The following SCFD1 variants were observed in gnomAD, a reference collection of about 807,000 sequenced individuals.
SCFD1 encodes sec1 family domain containing 1, also known as sec1 family domain-containing protein 1.
Under a neutral mutation model 103.2 loss-of-function variants are expected in SCFD1, and 37 were observed. The observed-to-expected ratio is 0.36, with a 90% confidence interval of 0.28 to 0.47. The LOEUF (loss-of-function observed/expected upper bound fraction) is 0.47. Ranked by LOEUF, SCFD1 falls within the 20% of genes least tolerant of loss-of-function variation. The pLI, the probability that SCFD1 is intolerant of heterozygous loss-of-function variation, is 1.00. For missense variants in SCFD1, 639 were observed against 761.2 expected, an observed-to-expected ratio of 0.84 and a Z score of 1.89; for synonymous variants, 264 against 245.0, an observed-to-expected ratio of 1.08 and a Z score of -0.73.
chr14:30,668,567 A>G (rs974790392), intron 10 of SCFD1, among the ~76,000 whole-genome samples: 1 of 152,188 alleles, frequency 6.6e-6, no homozygotes, highest in Non-Finnish European at 1.5e-5. Context: ...ATTAAACTAA[A>G]GAGCTTCTGC....
intron 1 of SCFD1, among the ~76,000 whole-genome samples, chr14:30,627,339 A>C (rs191858608): frequency 1.3e-5 from 2 of 152,360 alleles, no homozygotes; most frequent in Admixed American, 6.5e-5. Context: ...TTTTCGGTGA[A>C]TCTGACAGGA....
intron 7 of SCFD1, 50 bp from the exon 8 acceptor site, chr14:30,649,478 C>CTATTT: frequency 8.5e-7 from 1 of 1,177,858 alleles, no homozygotes; most frequent in Non-Finnish European, 1.2e-6. Flanking sequence ...TTATAAGTAT[C>CTATTT]TATTTTAATT....
chr14:30,709,130 T>C (rs73254553), intron 19 of SCFD1, among the ~76,000 whole-genome samples: 2,520 of 152,266 alleles, frequency 0.017, 90 homozygotes, highest in African/African-American at 0.057. Flanking sequence ...AGAAGGGTTT[T>C]AAAGGCCAAA....
chr14:30,729,956 C>A (rs1045936409), intron 23 of SCFD1, among the ~76,000 whole-genome samples: 2 of 151,964 alleles, frequency 1.3e-5, no homozygotes, highest in African/African-American at 2.4e-5. Flanking sequence ...TGTGCTGCGC[C>A]CATTAACTCA....
intron 20 of SCFD1, among the ~76,000 whole-genome samples, chr14:30,716,248 A>G (rs866678821): frequency 1.2e-4 from 19 of 152,362 alleles, no homozygotes; most frequent in African/African-American, 4.3e-4. Context: ...TGTAAAATAT[A>G]TCCTAAGGAA....
chr14:30,638,201 T>C lies in SCFD1; in HGVS notation c.389T>C (p.Ile130Thr), dbSNP rs757273189. 1.2e-6 allele frequency: 2 copies of C among 1,612,980 alleles called. No homozygotes were observed. The highest frequency in any genetic ancestry group is 1.1e-5 in the South Asian group (1 of 90,964). ...ATTTCAAGAAGTAAACTGGAAGATA[T>C]TGCAAATGCAGCGTTAGCAGCTAGT... ...SAISRSKLED[I>T]ANAALAASAV... Residue 130 changes from isoleucine to threonine, a missense_variant, in exon 5 of 25, where the codon ATT becomes ACT. Ile to Thr is a moderately conservative substitution (Grantham distance 89). Transcript: ENST00000458591.
intron 8 of SCFD1, 91 bp downstream of exon 8, chr14:30,649,674 A>C (rs944744745): frequency 2.2e-6 from 2 of 925,106 alleles, no homozygotes. Context: ...ATATTTAAAT[A>C]TATGATTGCT....
intron 19 of SCFD1, among the ~76,000 whole-genome samples, chr14:30,714,288 A>G (rs1443521130): frequency 1.3e-5 from 2 of 150,662 alleles, no homozygotes; most frequent in Admixed American, 6.6e-5. Context: ...CGGGAAGCGG[A>G]GCTTGCAGTG....
chr14:30,640,335 A>G (rs1027903666), intron 6 of SCFD1, among the ~76,000 whole-genome samples: 8 of 152,158 alleles, frequency 5.3e-5, no homozygotes, highest in African/African-American at 1.9e-4. Context: ...TCCTAAGAGG[A>G]TATAAGTATT....
Position 30,661,126 on chromosome 14 carries a change from T to A in SCFD1, c.855+7538T>A, listed in dbSNP as rs182082790. The stretch of plus-strand genomic sequence containing the variant: ...TCTGAGATTAAAGAACCCATTTTTT[T>A]AATAACAAGTAGCATTGTGAAATTG... On this transcript the variant is annotated intron_variant, in intron 10 of 24. Transcript: ENST00000458591. Among the ~76,000 whole-genome samples the A allele has an allele frequency of 2.7e-4, 41 of 152,296 alleles. No individual in the cohort carries two copies. The East Asian group carries it at 3.7e-3, about 14-fold the overall frequency.
chr14:30,628,582 T>G (rs1233693746), intron 2 of SCFD1, among the ~76,000 whole-genome samples: 17 of 152,236 alleles, frequency 1.1e-4, no homozygotes, highest in Admixed American at 1.1e-3. Context: ...AGACTTTGGA[T>G]TTTATAAGCT....
At chr14:30,690,975 T>C (rs1890257005) in intron 14 of SCFD1, among the ~76,000 whole-genome samples, 2 of 152,266 alleles carry the variant, frequency 1.3e-5, no homozygotes, top group South Asian at 4.1e-4. Context: ...TTTGAGCCCA[T>C]GTTGTAGAAG....
intron 23 of SCFD1, among the ~76,000 whole-genome samples, chr14:30,729,621 A>G (rs1893298144): frequency 6.6e-6 from 1 of 152,182 alleles, no homozygotes; most frequent in Non-Finnish European, 1.5e-5. Context: ...TGAAATCAGG[A>G]CACATGTGAG....
chr14:30,727,465 T>C (rs1405909381), intron 23 of SCFD1, among the ~76,000 whole-genome samples: 1 of 152,210 alleles, frequency 6.6e-6, no homozygotes. Context: ...GTTATTAGCA[T>C]CATCAAGATT....
intron 14 of SCFD1, 125 bp downstream of exon 14, chr14:30,675,190 A>G: frequency 2.1e-6 from 1 of 470,278 alleles, no homozygotes; most frequent in Non-Finnish European, 3.8e-6. Context: ...TAATTATGGA[A>G]GACAGCAGTA....
In SCFD1 at chr14:30,649,531, C is replaced by T; in HGVS notation, c.617C>T (p.Ala206Val). 6.3e-7 allele frequency: 1 copy of T among 1,577,250 alleles called. No individual in the cohort carries two copies. Residue 206 changes from alanine (A) to valine (V), a missense_variant, in exon 8 of 25, where the codon GCT (alanine) becomes GTT (valine). Coordinates refer to ENST00000458591, the MANE Select transcript of SCFD1 (RefSeq NM_016106.4). ...SLFCFFVTLG[A>V]VPIIRCSRGT... ...CTAACATTTATTGTTAAAATAGGTGCTGTTCCTATAATCAGATGTTCAAGA... is the reference window on the plus strand; with the variant it reads ...CTAACATTTATTGTTAAAATAGGTGTTGTTCCTATAATCAGATGTTCAAGA...
chr14:30,638,285 G>A (rs754663468), intron 5 of SCFD1, 38 bp downstream of exon 5: 2 of 1,611,830 alleles, frequency 1.2e-6, no homozygotes, highest in South Asian at 2.2e-5. Flanking sequence ...TTTTGTCAAT[G>A]TAAAATTTAA....
intron 1 of SCFD1, among the ~76,000 whole-genome samples, chr14:30,626,478 A>G (rs1883463275): frequency 6.6e-6 from 1 of 152,202 alleles, no homozygotes; most frequent in Non-Finnish European, 1.5e-5. Context: ...AGTGAAACAT[A>G]GGCCATGCAG....
At chr14:30,708,751 T>C (rs1891657106) in intron 19 of SCFD1, among the ~76,000 whole-genome samples, 5 of 152,122 alleles carry the variant, frequency 3.3e-5, no homozygotes, top group Admixed American at 2.0e-4. Flanking sequence ...CTAAACAAAA[T>C]ATTTTAAATA....
Sources: allele counts gnomAD v4.1 joint callset (sites outside exome capture counted in the v4.1 genomes callset), GRCh38; gene constraint gnomAD v4.1.1; transcripts MANE v1.5; gene names NCBI Gene and HGNC (gene_info 2026-07-23, HGNC 2026-07-21).